The following VPS37C variants were observed in gnomAD, a reference collection of about 807,000 sequenced individuals.
VPS37C encodes VPS37C subunit of ESCRT-I.
In VPS37C, 9 loss-of-function variants were observed where a neutral mutation model predicts 16.1. The observed-to-expected ratio is 0.56, with a 90% CI of 0.34 to 0.97. The LOEUF is 0.97. Ranked by LOEUF, VPS37C falls within the 50% of genes least tolerant of loss-of-function variation. The pLI is 0.02. For synonymous variants in VPS37C, 207 were observed against 206.4 expected (o/e 1.00, Z -0.02); for missense variants, 479 against 472.7 (o/e 1.01, Z -0.12).
chr11:61,133,336 CT>C lies in VPS37C; in HGVS notation c.266del (p.Glu89GlyfsTer13). On this transcript the variant is annotated frameshift_variant and splice_region_variant, in exon 4 of 5. Transcript: ENST00000301765. LOFTEE classifies it high-confidence loss of function. The part of the protein sequence containing the change: ...ERCQEQKAKL[E>X]KFSSALQPGT... ...CTGGCTGCAGTGCTGAAGAAAATTT[CT>C]CTGGAAGGGAGGGCAGAACGACTGA... 1 of 1,614,026 alleles carries C rather than the reference CT, an allele frequency of 6.2e-7. No homozygotes were observed.
chr11:61,145,975 G>C (rs1485927852), intron 1 of VPS37C, among the ~76,000 whole-genome samples: 1 of 152,244 alleles, frequency 6.6e-6, no homozygotes, highest in Non-Finnish European at 1.5e-5. Context: ...CACGAGTAGG[G>C]AGTTGTTGAG....
chr11:61,136,161 A>ATT (rs34085615), intron 2 of VPS37C, among the ~76,000 whole-genome samples: 20 of 109,350 alleles, frequency 1.8e-4, no homozygotes, highest in African/African-American at 2.5e-4. Context: ...TTAATTACAC[A>ATT]TTTTTTTTTT....
In VPS37C at chr11:61,131,555, A is replaced by G. The variant is rs1433080155; in HGVS notation, c.*265T>C. On this transcript the variant is annotated 3_prime_UTR_variant, in exon 5 of 5. Coordinates refer to ENST00000301765, the MANE Select transcript of VPS37C (RefSeq NM_017966.5). ...GCTCACTCACACAGACACCGGCGAG[A>G]GGTGCTGGACTCCAGCCTGGCTAGC... is the stretch of plus-strand genomic sequence containing the variant. The G allele has an allele frequency of 2.5e-6, 1 of 399,812 alleles. No individual in the cohort carries two copies. The highest frequency in any genetic ancestry group is 3.7e-5 in the East Asian group (1 of 26,848). 24.8% of individuals were successfully genotyped at this position (399,812 alleles called of 1,614,324 possible).
At chr11:61,136,055 G>A (rs1046547082) in intron 2 of VPS37C, among the ~76,000 whole-genome samples, 1 of 151,850 alleles carries the variant, frequency 6.6e-6, no homozygotes, top group Non-Finnish European at 1.5e-5. Context: ...CAGCAACAAT[G>A]TATTGTATAT....
chr11:61,160,507 G>A (rs894715002), intron 1 of VPS37C, among the ~76,000 whole-genome samples: 2 of 152,200 alleles, frequency 1.3e-5, no homozygotes, highest in East Asian at 3.8e-4. Flanking sequence ...AAAGGCCTTA[G>A]GCAGCAAGAG....
At chr11:61,142,388 C>G (rs1216223919) in intron 1 of VPS37C, among the ~76,000 whole-genome samples, 1 of 152,168 alleles carries the variant, frequency 6.6e-6, no homozygotes, top group East Asian at 1.9e-4. Flanking sequence ...TGTGCCGCCA[C>G]ACCCAGCTAA....
chr11:61,146,150 C>A (rs1853204117), intron 1 of VPS37C, among the ~76,000 whole-genome samples: 1 of 152,196 alleles, frequency 6.6e-6, no homozygotes. Context: ...GGACAGAGAA[C>A]GGGCATTCTT....
rs148858010 is a variant in VPS37C, at chr11:61,158,216, T to C, written c.-7+3175A>G. ...GGTTTATGCAATTAACAGCAGAGCT[T>C]CAAAACATGTGAAACACAAATTGAT... On this transcript the variant is annotated intron_variant, in intron 1 of 4. Transcript: ENST00000301765. 1.2e-3 allele frequency among the ~76,000 whole-genome samples: 184 copies of C among 152,342 alleles called. 1 individual carries two copies. The highest frequency in any genetic ancestry group is 2.2e-3 in the Non-Finnish European group (151 of 68,036).
At chr11:61,136,453 C>T (rs532848919) in intron 2 of VPS37C, among the ~76,000 whole-genome samples, 57 of 152,238 alleles carry the variant, frequency 3.7e-4, no homozygotes, top group Admixed American at 1.5e-3. Context: ...GGATTACAGG[C>T]ATGAGCTACC....
chr11:61,154,608 T>C (rs949145048), intron 1 of VPS37C, among the ~76,000 whole-genome samples: 3 of 151,760 alleles, frequency 2.0e-5, no homozygotes, highest in African/African-American at 7.3e-5. Context: ...CTTACATACA[T>C]GTAACTGGAG....
intron 4 of VPS37C, 47 bp from the exon 5 acceptor site, chr11:61,132,586 G>A: frequency 6.6e-7 from 1 of 1,520,892 alleles, no homozygotes; most frequent in African/African-American, 1.4e-5. Context: ...TGGGATCAAG[G>A]CCTCTTGATT....
chr11:61,139,725 G>A (rs568479268), intron 1 of VPS37C, among the ~76,000 whole-genome samples: 5 of 150,062 alleles, frequency 3.3e-5, no homozygotes, highest in Non-Finnish European at 7.4e-5. Flanking sequence ...ATCTCTTCCA[G>A]AGGTGCATTC....
chr11:61,138,745 A>T lies in VPS37C; in HGVS notation c.85T>A (p.Ser29Thr). 6.2e-7 allele frequency: 1 copy of T among 1,613,788 alleles called. No individual in the cohort carries two copies. Among genetic ancestry groups the T allele is most frequent in the Middle Eastern group, 1.6e-4 (1 of 6,062 alleles). Residue 29 changes from serine (S) to threonine (T), a missense_variant, in exon 2 of 5, where the codon TCC becomes ACC. Coordinates refer to ENST00000301765, the MANE Select transcript of VPS37C (RefSeq NM_017966.5). Reference sequence around the variant, plus strand: ...TACCAGCCTCCCTCTACCTCAGGGGACTCCAGGGCCAGCTGGTCAATCGCC... The same window carrying T: ...TACCAGCCTCCCTCTACCTCAGGGGTCTCCAGGGCCAGCTGGTCAATCGCC... ...SEAIDQLALESPEVQDLQLER... is the reference protein window; with the variant it reads ...SEAIDQLALETPEVQDLQLER...
intron 1 of VPS37C, among the ~76,000 whole-genome samples, chr11:61,151,533 T>C (rs961493939): frequency 1.3e-5 from 2 of 152,208 alleles, no homozygotes; most frequent in African/African-American, 4.8e-5. Flanking sequence ...CAGTGTCTTC[T>C]ATAAGATGGA....
chr11:61,130,846 G>T lies in VPS37C; in HGVS notation c.*974C>A, dbSNP rs780118228. On this transcript the variant is annotated 3_prime_UTR_variant, in exon 5 of 5. Transcript: ENST00000301765. ...CCTCTTTTGATGCCTGTCTTAGGAT[G>T]GACACTGGGGGTGGGAGGATTACAT... The T allele has an allele frequency of 2.3e-6, 1 of 427,720 alleles. No homozygotes were observed. The highest frequency in any genetic ancestry group is 1.7e-5 in the South Asian group (1 of 60,440). The allele number at this position is 427,720 out of a possible 1,614,324, so 26.5% of individuals were successfully genotyped here. A position where few individuals can be genotyped will look rare whatever the true frequency, so the allele number is the denominator to read the frequency against.
intron 1 of VPS37C, among the ~76,000 whole-genome samples, chr11:61,139,741 CTT>C (rs545629004): frequency 1.1e-3 from 89 of 77,796 alleles, no homozygotes; most frequent in African/African-American, 4.3e-3. Flanking sequence ...CATTCCATAG[CTT>C]TTTTTTTTTT....
chr11:61,136,084 G>A (rs999378726), intron 2 of VPS37C, among the ~76,000 whole-genome samples: 2 of 151,774 alleles, frequency 1.3e-5, no homozygotes, highest in Non-Finnish European at 2.9e-5. Flanking sequence ...AGCAAGAAGC[G>A]TAAAATGTTC....
At chr11:61,150,168 C>T (rs1185670169) in intron 1 of VPS37C, among the ~76,000 whole-genome samples, 1 of 152,232 alleles carries the variant, frequency 6.6e-6, no homozygotes, top group Non-Finnish European at 1.5e-5. Flanking sequence ...GTGACTTCAG[C>T]TCCTGGCCCT....
chr11:61,160,477 G>A (rs1565198401), intron 1 of VPS37C, among the ~76,000 whole-genome samples: 1 of 152,162 alleles, frequency 6.6e-6, no homozygotes, highest in East Asian at 1.9e-4. Context: ...GGGACTCCTG[G>A]AGCCAATAAA....
Sources: allele counts gnomAD v4.1 joint callset (sites outside exome capture counted in the v4.1 genomes callset), GRCh38; gene constraint gnomAD v4.1.1; transcripts MANE v1.5; gene names NCBI Gene and HGNC (gene_info 2026-07-23, HGNC 2026-07-21).